CSMD1: variants seen among roughly 807,000 people sequenced by gnomAD.
The protein encoded by CSMD1 is CUB and Sushi multiple domains 1, also known as CUB and sushi domain-containing protein 1.
Under a neutral mutation model 417.5 loss-of-function variants are expected in CSMD1, and 213 were observed. That is an observed-to-expected ratio of 0.51 (90% CI 0.46 to 0.57). The LOEUF (loss-of-function observed/expected upper bound fraction) is 0.57. Ranked by LOEUF, CSMD1 falls within the 20% of genes least tolerant of loss-of-function variation. CSMD1 has a pLI of 0.00. For missense variants in CSMD1, 6,923 were observed against 4,529.7 expected, an observed-to-expected ratio of 1.53 and a Z score of -15.17; for synonymous variants, 2,862 against 1,736.8, an observed-to-expected ratio of 1.65 and a Z score of -16.11.
intron 3 of CSMD1, among the ~76,000 whole-genome samples, chr8:4,288,101 A>G (rs1797161531): frequency 6.6e-6 from 1 of 152,130 alleles, no homozygotes; most frequent in African/African-American, 2.4e-5. Context: ...AGTTTTACTT[A>G]TTTTGCTAGC....
intron 5 of CSMD1, among the ~76,000 whole-genome samples, chr8:3,797,984 CG>C (rs1800252987): frequency 6.6e-6 from 1 of 151,972 alleles, no homozygotes; most frequent in African/African-American, 2.4e-5. Context: ...GCGGTTTCAA[CG>C]TGCATTTCCT....
In CSMD1 at chr8:4,508,056, C is replaced by A. The variant is rs555376738; in HGVS notation, c.303-87991G>T. Among the ~76,000 whole-genome samples the A allele has an allele frequency of 2.1e-5, 3 of 144,286 alleles. No homozygotes were observed. In the Admixed American group the frequency reaches 2.2e-4, roughly 10 times the overall value. The allele number at this position is 144,286 out of a possible 152,430, so 94.7% of individuals were successfully genotyped here. ...AAAATTGTCCCTATTAAATGAGCATCTGGAGATTGTGAGCTATGTAGAAAA... is the reference window on the plus strand; with the variant it reads ...AAAATTGTCCCTATTAAATGAGCATATGGAGATTGTGAGCTATGTAGAAAA... On this transcript the variant is annotated intron_variant, in intron 2 of 69. Coordinates refer to ENST00000635120, the MANE Select transcript of CSMD1 (RefSeq NM_033225.6).
intron 37 of CSMD1, among the ~76,000 whole-genome samples, chr8:3,166,604 G>C (rs1295308586): frequency 6.6e-6 from 1 of 152,122 alleles, no homozygotes; most frequent in Non-Finnish European, 1.5e-5. Context: ...TGTTTTAGAA[G>C]AACGATGTTT....
At chr8:4,887,518 C>T (rs1213832995) in intron 1 of CSMD1, among the ~76,000 whole-genome samples, 1 of 151,798 alleles carries the variant, frequency 6.6e-6, no homozygotes, top group East Asian at 1.9e-4. Flanking sequence ...CTTCTAGTTC[C>T]TTGTTATTTT....
chr8:4,478,617 G>A (rs763710607), intron 2 of CSMD1, among the ~76,000 whole-genome samples: 12 of 152,120 alleles, frequency 7.9e-5, no homozygotes, highest in Non-Finnish European at 1.3e-4. Flanking sequence ...TTGGCAGGGC[G>A]TTATAAACTA....
chr8:3,618,420 C>A (rs1008789867), intron 7 of CSMD1, among the ~76,000 whole-genome samples: 12 of 152,002 alleles, frequency 7.9e-5, no homozygotes, highest in African/African-American at 2.4e-4. Context: ...CTTCACTATT[C>A]CAAACGGGTT....
At chr8:3,973,260 C>T (rs1813205161) in intron 5 of CSMD1, among the ~76,000 whole-genome samples, 1 of 152,128 alleles carries the variant, frequency 6.6e-6, no homozygotes, top group Non-Finnish European at 1.5e-5. Flanking sequence ...AGAGCTATGG[C>T]TTGGTCATGA....
chr8:3,307,730 G>C lies in CSMD1; in HGVS notation c.3915C>G (p.Thr1305=), dbSNP rs763320474. Residue 1305 remains threonine, a synonymous_variant, in exon 25 of 70, where the codon ACC becomes ACG. Transcript: ENST00000635120. ...PAPYDNNLHC[T]WIIEADPGKT... The stretch of plus-strand genomic sequence containing the variant: ...TTCCTGGGTCTGCCTCTATAATCCA[G>C]GTGCAGTGGAGGTTGTTGTCATACG... 2 of 1,613,724 alleles carry C rather than the reference G, an allele frequency of 1.2e-6. No individual in the cohort carries two copies. Among genetic ancestry groups the C allele is most frequent in the East Asian group, 2.2e-5 (1 of 44,846 alleles).
intron 3 of CSMD1, among the ~76,000 whole-genome samples, chr8:4,323,173 C>G (rs1238733141): frequency 6.6e-6 from 1 of 152,150 alleles, no homozygotes; most frequent in Non-Finnish European, 1.5e-5. Context: ...TTTGGTTATA[C>G]AATTCTAATT....
chr8:4,168,144 T>TAC (rs1797559233), intron 3 of CSMD1, among the ~76,000 whole-genome samples: 1 of 8,076 alleles, frequency 1.2e-4, no homozygotes, highest in South Asian at 1.9e-3. Context: ...TAAAAAAAAA[T>TAC]ATACACACAC....
At chr8:3,376,374 T>G in intron 18 of CSMD1, among the ~76,000 whole-genome samples, 1 of 152,096 alleles carries the variant, frequency 6.6e-6, no homozygotes, top group East Asian at 1.9e-4. Flanking sequence ...AAGCATTGAT[T>G]ATATCTCATG....
chr8:3,636,187 G>A (rs1209141803), intron 7 of CSMD1, among the ~76,000 whole-genome samples: 2 of 152,134 alleles, frequency 1.3e-5, no homozygotes, highest in South Asian at 4.1e-4. Flanking sequence ...TTCCATCTTT[G>A]CATCTTGTCC....
At chr8:3,925,598 C>G (rs1057308626) in intron 5 of CSMD1, among the ~76,000 whole-genome samples, 1 of 152,046 alleles carries the variant, frequency 6.6e-6, no homozygotes, top group South Asian at 2.1e-4. Flanking sequence ...AGTCTTTCCC[C>G]TACTATTCTC....
At chr8:4,185,601 T>C (rs1798623837) in intron 3 of CSMD1, among the ~76,000 whole-genome samples, 1 of 152,224 alleles carries the variant, frequency 6.6e-6, no homozygotes, top group Non-Finnish European at 1.5e-5. Flanking sequence ...GTAAATGTGC[T>C]GATTTATGAA....
In CSMD1 at chr8:4,297,269, G is replaced by C. The variant is rs1014607446; in HGVS notation, c.415+122684C>G. On this transcript the variant is annotated intron_variant, in intron 3 of 69. Coordinates refer to ENST00000635120, the MANE Select transcript of CSMD1 (RefSeq NM_033225.6). Reference sequence around the variant, plus strand: ...AATATAGAGCTTGAAATTTACCAAGGCTATATGAAGAAACAGCCTTGTATC... The same window carrying C: ...AATATAGAGCTTGAAATTTACCAAGCCTATATGAAGAAACAGCCTTGTATC... Among the ~76,000 whole-genome samples, 5 of 152,048 alleles carry C rather than the reference G, an allele frequency of 3.3e-5. No homozygotes were observed. In the South Asian group the frequency reaches 1.0e-3, roughly 32 times the overall value.
At chr8:4,437,020 C>T (rs375446478) in intron 2 of CSMD1, among the ~76,000 whole-genome samples, 2 of 152,056 alleles carry the variant, frequency 1.3e-5, no homozygotes, top group African/African-American at 4.8e-5. Flanking sequence ...TCTCTCTATC[C>T]CTGAGATTGA....
chr8:3,051,248 C>A (rs919585672), intron 50 of CSMD1, among the ~76,000 whole-genome samples: 4 of 152,218 alleles, frequency 2.6e-5, no homozygotes, highest in Non-Finnish European at 1.5e-5. Flanking sequence ...GCATACACAT[C>A]ATGGAATACT....
intron 65 of CSMD1, among the ~76,000 whole-genome samples, 160 bp from the exon 66 acceptor site, chr8:2,951,435 G>A (rs766248778): frequency 6.6e-6 from 1 of 152,198 alleles, no homozygotes. Context: ...CACAGCACGT[G>A]CAAAACTCAA....
At chr8:4,537,377 G>A (rs867756573) in intron 2 of CSMD1, among the ~76,000 whole-genome samples, 4 of 152,076 alleles carry the variant, frequency 2.6e-5, no homozygotes, top group African/African-American at 7.2e-5. Flanking sequence ...TGCTAATTCT[G>A]TAGGGCAATG....
Sources: gnomAD v4.1 joint callset for allele counts (sites outside exome capture counted in the v4.1 genomes callset) on GRCh38, gnomAD v4.1.1 for gene constraint, MANE v1.5 for transcripts, NCBI Gene and HGNC (gene_info 2026-07-23, HGNC 2026-07-21) for gene names.